The following SYK variants were observed in gnomAD, a reference collection of about 807,000 sequenced individuals.
SYK encodes tyrosine-protein kinase SYK.
A neutral mutation model predicts 77.8 loss-of-function variants in SYK; 16 were observed. That is an observed-to-expected ratio of 0.21 (90% CI 0.14 to 0.31). The LOEUF (loss-of-function observed/expected upper bound fraction) is 0.31, where lower values mean the gene tolerates loss of function less well. Ranked by LOEUF, SYK falls within the 10% of genes least tolerant of loss-of-function variation. The pLI is 1.00. For missense variants in SYK, 529 were observed against 814.4 expected, an observed-to-expected ratio of 0.65 and a Z score of 4.26; for synonymous variants, 312 against 308.7, an observed-to-expected ratio of 1.01 and a Z score of -0.11.
At position 90,806,547 on chromosome 9, in the gene SYK, T is replaced by C. The variant is rs564914610; in HGVS notation, c.-42+4654T>C. ...ACTGTGCCCAGCCCTATGGGGAATA[T>C]TTGTTGACTAAATATGTTTTATGTA... On this transcript the variant is annotated intron_variant, in intron 1 of 13. Coordinates refer to ENST00000375754, the MANE Select transcript of SYK (RefSeq NM_003177.7). Among the ~76,000 whole-genome samples, 165 of 152,320 alleles carry C rather than the reference T, an allele frequency of 1.1e-3. 1 individual carries two copies. Among genetic ancestry groups the C allele is most frequent in the African/African-American group, 3.9e-3 (162 of 41,554 alleles).
At chr9:90,882,680 A>G (rs995769018) in intron 11 of SYK, among the ~76,000 whole-genome samples, 13 of 152,242 alleles carry the variant, frequency 8.5e-5, no homozygotes, top group Non-Finnish European at 1.3e-4. Context: ...AAATGCAACT[A>G]GTATATGCTC....
At chr9:90,893,466 C>A (rs1263654553) in intron 13 of SYK, among the ~76,000 whole-genome samples, 1 of 151,940 alleles carries the variant, frequency 6.6e-6, no homozygotes, top group Admixed American at 6.6e-5. Flanking sequence ...TAGAGACAGA[C>A]AGAGAGAGCG....
chr9:90,801,685 G>C (rs558468039), upstream of SYK: 1 of 152,382 alleles, frequency 6.6e-6, no homozygotes, highest in South Asian at 2.1e-4. Context: ...CCAGCTCCGG[G>C]CTCATGGGCG....
chr9:90,858,540 C>T (rs1237970508), intron 3 of SYK, among the ~76,000 whole-genome samples: 1 of 152,356 alleles, frequency 6.6e-6, no homozygotes, highest in East Asian at 1.9e-4. Context: ...GTGTGCACGC[C>T]CTCTCTGGGT....
intron 7 of SYK, among the ~76,000 whole-genome samples, chr9:90,872,207 A>G (rs1241213441): frequency 6.6e-6 from 1 of 152,176 alleles, no homozygotes; most frequent in Admixed American, 6.5e-5. Flanking sequence ...GGTCTGGAGA[A>G]CATTCTGTGA....
intron 1 of SYK, among the ~76,000 whole-genome samples, chr9:90,841,226 T>G (rs1826308403): frequency 2.0e-5 from 3 of 151,274 alleles, no homozygotes; most frequent in Admixed American, 6.6e-5. Context: ...TTGTGTGTCG[T>G]GTGTATGTAG....
chr9:90,831,892 A>G (rs563756943), intron 1 of SYK, among the ~76,000 whole-genome samples: 2 of 152,296 alleles, frequency 1.3e-5, no homozygotes, highest in Admixed American at 6.5e-5. Context: ...ACACAATGCT[A>G]AAGTACTTAC....
At chr9:90,874,987 T>A (rs1200326659) in intron 9 of SYK, 138 bp downstream of exon 9, 5 of 1,108,520 alleles carry the variant, frequency 4.5e-6, no homozygotes, top group African/African-American at 1.6e-5. Flanking sequence ...TCTGGTACTA[T>A]TATAATGAAA....
chr9:90,862,171 G>A, intron 3 of SYK, 35 bp from the exon 4 acceptor site: 1 of 1,562,780 alleles, frequency 6.4e-7, no homozygotes, highest in Non-Finnish European at 8.7e-7. Flanking sequence ...AGACTGGCGG[G>A]CCTGGGGATG....
intron 7 of SYK, 59 bp downstream of exon 7, chr9:90,867,258 C>A: frequency 6.5e-7 from 1 of 1,546,178 alleles, no homozygotes; most frequent in Non-Finnish European, 8.9e-7. Context: ...GCGCACTCAG[C>A]TCCCGCCCGC....
At chr9:90,847,491 T>C (rs2387337) in intron 3 of SYK, among the ~76,000 whole-genome samples, 36,401 of 152,222 alleles carry the variant, frequency 0.24, 5,065 homozygotes, top group South Asian at 0.35. Flanking sequence ...ACCTCCCAGA[T>C]AATAGCTTCC....
At position 90,813,499 on chromosome 9, in the gene SYK, G is replaced by T. The variant is rs189374458; in HGVS notation, c.-42+11606G>T. Among the ~76,000 whole-genome samples the T allele has an allele frequency of 6.6e-5, 10 of 152,292 alleles. No homozygotes were observed. The East Asian group carries it at 7.7e-4, about 12-fold the overall frequency. On this transcript the variant is annotated intron_variant, in intron 1 of 13. Coordinates refer to ENST00000375754, the MANE Select transcript of SYK (RefSeq NM_003177.7). The stretch of plus-strand genomic sequence containing the variant: ...CAGAGTGGTTGTCAGAAGCAGACCA[G>T]GCCTCGGGGTCTAGATTCCATCCTT...
intron 13 of SYK, among the ~76,000 whole-genome samples, chr9:90,891,546 G>C (rs1828793879): frequency 6.6e-6 from 1 of 152,100 alleles, no homozygotes; most frequent in Non-Finnish European, 1.5e-5. Flanking sequence ...AGCTTGCTTA[G>C]CTATGCTTGC....
chr9:90,880,175 A>G (rs1564116944), intron 11 of SYK, among the ~76,000 whole-genome samples: 1 of 152,184 alleles, frequency 6.6e-6, no homozygotes, highest in Non-Finnish European at 1.5e-5. Flanking sequence ...ACCCTGAGTG[A>G]CAATACCCAC....
chr9:90,853,863 A>G (rs1257530561), intron 3 of SYK, among the ~76,000 whole-genome samples: 4 of 152,118 alleles, frequency 2.6e-5, no homozygotes, highest in Admixed American at 1.3e-4. Context: ...CTAAAACTTA[A>G]AGTATAATAA....
At chr9:90,867,007 G>C in intron 6 of SYK, 124 bp from the exon 7 acceptor site, 1 of 999,364 alleles carries the variant, frequency 1.0e-6, no homozygotes, top group Non-Finnish European at 1.5e-6. Flanking sequence ...CGATCTCATT[G>C]GCAGGGACAG....
chr9:90,862,139 T>A, intron 3 of SYK, 67 bp from the exon 4 acceptor site: 1 of 1,519,202 alleles, frequency 6.6e-7, no homozygotes, highest in Admixed American at 2.0e-5. Flanking sequence ...GCCAGGGTGC[T>A]TCCTCCCAGG....
intron 1 of SYK, among the ~76,000 whole-genome samples, chr9:90,808,901 G>C (rs1278505761): frequency 6.6e-6 from 1 of 152,184 alleles, no homozygotes; most frequent in Non-Finnish European, 1.5e-5. Flanking sequence ...CTTTCAAGGA[G>C]AGCATTCATT....
chr9:90,814,228 G>T (rs1032337884), intron 1 of SYK, among the ~76,000 whole-genome samples: 1 of 152,150 alleles, frequency 6.6e-6, no homozygotes, highest in Non-Finnish European at 1.5e-5. Context: ...CTGGAAGGGG[G>T]AAGTACCAGG....
Sources: allele counts gnomAD v4.1 joint callset (sites outside exome capture counted in the v4.1 genomes callset), GRCh38; gene constraint gnomAD v4.1.1; transcripts MANE v1.5; gene names NCBI Gene and HGNC (gene_info 2026-07-23, HGNC 2026-07-21).